CHAT: variants seen among roughly 807,000 people sequenced by gnomAD.
The protein encoded by CHAT is acetyl CoA:choline O-acetyltransferase.
Under a neutral mutation model 76.9 loss-of-function variants are expected in CHAT, and 61 were observed. The ratio of observed to expected loss-of-function variants is 0.79; its 90% CI spans 0.65 to 0.98. CHAT has a LOEUF of 0.98. Among genes scored for constraint, CHAT ranks in the 50% least tolerant of loss-of-function variants. The probability of loss-of-function intolerance (pLI) is 0.00; values close to 1 mark genes in which losing one functional copy is unlikely to be tolerated. For missense variants in CHAT, 946 were observed against 986.9 expected, an observed-to-expected ratio of 0.96 and a Z score of 0.56; for synonymous variants, 407 against 397.4, an observed-to-expected ratio of 1.02 and a Z score of -0.29.
intron 4 of CHAT, 147 bp from the exon 5 acceptor site, chr10:49,621,950 G>C: frequency 1.4e-6 from 1 of 737,736 alleles, no homozygotes; most frequent in Non-Finnish European, 2.4e-6. Context: ...TGGCAGTGGG[G>C]ATGAGGGAGG....
At chr10:49,643,379 CA>C (rs1014934928) in intron 7 of CHAT, among the ~76,000 whole-genome samples, 2 of 152,200 alleles carry the variant, frequency 1.3e-5, no homozygotes, top group African/African-American at 4.8e-5. Flanking sequence ...ACCCTCCATC[CA>C]CCACCCTGCA....
chr10:49,612,251 T>C, upstream of CHAT: 2 of 1,610,368 alleles, frequency 1.2e-6, no homozygotes, highest in Non-Finnish European at 1.7e-6. Context: ...GAGCGTCCTG[T>C]GTCTGGCCAG....
At chr10:49,632,116 G>A (rs543460583) in intron 7 of CHAT, among the ~76,000 whole-genome samples, 1 of 152,302 alleles carries the variant, frequency 6.6e-6, no homozygotes, top group South Asian at 2.1e-4. Flanking sequence ...ATGCTTGAGA[G>A]GGTGGCAGGG....
At chr10:49,655,033 T>C (rs1839987574) in intron 11 of CHAT, 62 bp from the exon 12 acceptor site, 1 of 1,593,550 alleles carries the variant, frequency 6.3e-7, no homozygotes, top group East Asian at 2.2e-5. Context: ...AATTTTTCTT[T>C]CCGAGTTTAT....
At chr10:49,639,800 C>T (rs1328363389) in intron 7 of CHAT, among the ~76,000 whole-genome samples, 3 of 152,106 alleles carry the variant, frequency 2.0e-5, no homozygotes, top group African/African-American at 7.2e-5. Flanking sequence ...TTATCTGAGT[C>T]GTTTCTGCTC....
intron 13 of CHAT, among the ~76,000 whole-genome samples, chr10:49,661,030 G>A (rs372160960): frequency 6.6e-6 from 1 of 152,132 alleles, no homozygotes; most frequent in East Asian, 1.9e-4. Flanking sequence ...TTGCATGGTT[G>A]ATGAAATCTG....
At chr10:49,631,237 G>T (rs576060737) in intron 7 of CHAT, among the ~76,000 whole-genome samples, 7 of 152,176 alleles carry the variant, frequency 4.6e-5, no homozygotes, top group Non-Finnish European at 8.8e-5. Context: ...AGACTGGGAG[G>T]CTTCAACAAC....
intron 4 of CHAT, 138 bp downstream of exon 4, chr10:49,620,751 G>A (rs554737110): frequency 1.9e-4 from 140 of 720,692 alleles, no homozygotes; most frequent in African/African-American, 1.7e-3. Context: ...GACAGTGGAC[G>A]TCCAGGCCAT....
At chr10:49,613,082 G>A (rs1255405032), upstream of CHAT, 1 of 152,324 alleles carries the variant, frequency 6.6e-6, no homozygotes, top group African/African-American at 2.4e-5. Context: ...GAGGTGCCTG[G>A]GCTGAGCTTC....
chr10:49,620,750 C>T lies in CHAT; in HGVS notation c.698+137C>T, dbSNP rs78187119. The T allele has an allele frequency of 1.8e-3, 1,299 of 721,334 alleles. 14 individuals carry two copies. In the African/African-American group the frequency reaches 0.02, roughly 11 times the overall value. The allele number at this position is 721,334 out of a possible 1,614,324, so 44.7% of individuals were successfully genotyped here. On this transcript the variant is annotated intron_variant, in intron 4 of 14. Transcript: ENST00000337653. ...GGGTCAAATGCCCCGAGACAGTGGA[C>T]GTCCAGGCCATCAGGTGGGGAGCAA...
At chr10:49,655,664 A>G (rs1256161231) in intron 13 of CHAT, among the ~76,000 whole-genome samples, 1 of 152,236 alleles carries the variant, frequency 6.6e-6, no homozygotes, top group East Asian at 1.9e-4. Context: ...TAAGAATACA[A>G]AAGTTACCAC....
intron 7 of CHAT, among the ~76,000 whole-genome samples, chr10:49,632,679 T>C (rs1393339748): frequency 5.3e-5 from 8 of 152,086 alleles, no homozygotes; most frequent in African/African-American, 1.4e-4. Context: ...GGGCAGGGGC[T>C]TTTCCACCCC....
At position 49,614,373 on chromosome 10, in the gene CHAT, C is replaced by A. The variant is rs1056582610; in HGVS notation, c.184C>A (p.Arg62Ser). Residue 62 changes from arginine (R) to serine (S), a missense_variant, in exon 1 of 15, where the codon CGC becomes AGC. Around this residue, in one of 3 missense-constraint regions of CHAT, gnomAD observed 548 missense variants for 516.2 expected, o/e 1.06. Transcript: ENST00000337653. ...GAACCCAGGCTGCAGCCCCCACCCCCGCGCTGCGACACGCCCCCCACCCCT... is the reference window on the plus strand; with the variant it reads ...GAACCCAGGCTGCAGCCCCCACCCCAGCGCTGCGACACGCCCCCCACCCCT... ...AGNPGCSPHP[R>S]AATRPPPLPA... is the part of the protein sequence containing the mutation. 6 of 1,544,086 alleles carry A rather than the reference C, an allele frequency of 3.9e-6. No homozygotes were observed. Among genetic ancestry groups the A allele is most frequent in the African/African-American group, 2.7e-5 (2 of 72,830 alleles).
chr10:49,645,796 A>G (rs1839641013), intron 7 of CHAT, among the ~76,000 whole-genome samples: 1 of 152,136 alleles, frequency 6.6e-6, no homozygotes, highest in Non-Finnish European at 1.5e-5. Context: ...TGTCTAGAGG[A>G]GCCTGGGAAT....
At position 49,667,139 on chromosome 10, in the gene CHAT, C is replaced by A. The variant is rs1182710628; in HGVS notation, c.*2093C>A. Among the ~76,000 whole-genome samples the A allele has an allele frequency of 6.6e-6, 1 of 152,178 alleles. No homozygotes were observed. Among genetic ancestry groups the A allele is most frequent in the Admixed American group, 6.5e-5 (1 of 15,290 alleles). On this transcript the variant is annotated 3_prime_UTR_variant, in exon 15 of 15. Coordinates refer to ENST00000337653, the MANE Select transcript of CHAT (RefSeq NM_020549.5). ...CAAGGACCTTGCTGGGTCAACAATTCATTTGCCTTTGTCTGGAGTCTGCCA... is the reference window on the plus strand; with the variant it reads ...CAAGGACCTTGCTGGGTCAACAATTAATTTGCCTTTGTCTGGAGTCTGCCA...
At chr10:49,650,986 C>T (rs985447717) in intron 10 of CHAT, among the ~76,000 whole-genome samples, 7 of 152,096 alleles carry the variant, frequency 4.6e-5, no homozygotes, top group Admixed American at 3.3e-4. Context: ...GCAGACCCCA[C>T]ATTCCCCAAG....
chr10:49,649,402 A>C, intron 9 of CHAT, 106 bp from the exon 10 acceptor site: 1 of 1,554,416 alleles, frequency 6.4e-7, no homozygotes, highest in Non-Finnish European at 8.8e-7. Flanking sequence ...CTGAAACTCC[A>C]TGGCCGCAAA....
chr10:49,658,719 CAAACAAACAAA>C (rs1840105431), intron 13 of CHAT, among the ~76,000 whole-genome samples: 1 of 151,946 alleles, frequency 6.6e-6, no homozygotes, highest in Non-Finnish European at 1.5e-5. Flanking sequence ...AAAAAACAAA[CAAACAAACAAA>C]AACTTGAAAT....
rs957274094 is a variant in CHAT at position 49,667,871 on chromosome 10, T to C, written c.*2825T>C. Among the ~76,000 whole-genome samples, 3 of 152,244 alleles carry C rather than the reference T, an allele frequency of 2.0e-5. No individual in the cohort carries two copies. The highest frequency in any genetic ancestry group is 4.4e-5 in the Non-Finnish European group (3 of 68,040). ...ATATGTAAGATTAAAGAACTGTATA[T>C]TGTAAGCATTATATTCAAATTATTT... is the stretch of plus-strand genomic sequence containing the variant. On this transcript the variant is annotated 3_prime_UTR_variant, in exon 15 of 15. Coordinates refer to ENST00000337653, the MANE Select transcript of CHAT (RefSeq NM_020549.5).
Sources: allele counts gnomAD v4.1 joint callset (sites outside exome capture counted in the v4.1 genomes callset), GRCh38; gene constraint gnomAD v4.1.1; regional missense constraint gnomAD v4.1.1; transcripts MANE v1.5; gene names NCBI Gene and HGNC (gene_info 2026-07-23, HGNC 2026-07-21).